The following SIPA1L1 variants were observed in gnomAD, a reference collection of about 807,000 sequenced individuals.
SIPA1L1 encodes signal-induced proliferation-associated 1-like protein 1.
SIPA1L1 carries 26 observed loss-of-function variants against 162.7 expected under a neutral mutation model. The ratio of observed to expected loss-of-function variants is 0.16; its 90% CI spans 0.12 to 0.22. SIPA1L1 has a LOEUF of 0.22. SIPA1L1 is among the 10% of genes least tolerant of loss of function. The probability of loss-of-function intolerance (pLI) is 1.00; values close to 1 mark genes in which losing one functional copy is unlikely to be tolerated. For synonymous variants in SIPA1L1, 829 were observed against 837.4 expected, an observed-to-expected ratio of 0.99 and a Z score of 0.17; for missense variants, 1,874 against 2,241.0, an observed-to-expected ratio of 0.84 and a Z score of 3.31.
intron 4 of SIPA1L1, among the ~76,000 whole-genome samples, chr14:71,548,692 T>C (rs2146145775): frequency 6.6e-6 from 1 of 151,720 alleles, no homozygotes. Flanking sequence ...AGGCCAGGAG[T>C]TCCAGACCAG....
chr14:71,669,982 A>G (rs1422640753), intron 10 of SIPA1L1, among the ~76,000 whole-genome samples: 1 of 152,150 alleles, frequency 6.6e-6, no homozygotes, highest in Non-Finnish European at 1.5e-5. Flanking sequence ...GAGCTCTTCA[A>G]TTTTATTTGA....
intron 3 of SIPA1L1, among the ~76,000 whole-genome samples, chr14:71,517,718 CT>C (rs2051886942): frequency 6.6e-6 from 1 of 152,074 alleles, no homozygotes; most frequent in Non-Finnish European, 1.5e-5. Flanking sequence ...TTTAGTCAAG[CT>C]AGTAGTGTGA....
chr14:71,343,875 A>C (rs2035898561), intron 2 of SIPA1L1, among the ~76,000 whole-genome samples: 1 of 152,182 alleles, frequency 6.6e-6, no homozygotes, highest in Admixed American at 6.5e-5. Flanking sequence ...TGTGTTCTAA[A>C]ACTTGATGAG....
At chr14:71,738,161 TA>T (rs34549978) in intron 22 of SIPA1L1, 79 bp from the exon 23 acceptor site, 72,501 of 367,968 alleles carry the variant, frequency 0.2, 6,469 homozygotes, top group African/African-American at 0.4. Context: ...CTCCTCAGAG[TA>T]AAAAAAAAAA....
chr14:71,529,415 G>A (rs944335491), intron 4 of SIPA1L1, 45 bp downstream of exon 4: 2 of 587,166 alleles, frequency 3.4e-6, no homozygotes, highest in Non-Finnish European at 6.2e-6. Flanking sequence ...GCTTTACAAA[G>A]TGTTGATTTT....
intron 2 of SIPA1L1, among the ~76,000 whole-genome samples, chr14:71,333,076 T>A (rs1351202766): frequency 6.6e-6 from 1 of 152,232 alleles, no homozygotes; most frequent in East Asian, 1.9e-4. Flanking sequence ...TCAGAGTTTT[T>A]CTTTTTAATT....
At chr14:71,616,400 A>T (rs2038839179) in intron 5 of SIPA1L1, among the ~76,000 whole-genome samples, 1 of 152,212 alleles carries the variant, frequency 6.6e-6, no homozygotes, top group Non-Finnish European at 1.5e-5. Context: ...AGAAGTTTCC[A>T]ATGGAAGAAA....
At chr14:71,351,655 GA>G (rs2036721625) in intron 2 of SIPA1L1, among the ~76,000 whole-genome samples, 1 of 152,176 alleles carries the variant, frequency 6.6e-6, no homozygotes, top group African/African-American at 2.4e-5. Context: ...CTGGAACTTG[GA>G]AGATGAGAAG....
intron 2 of SIPA1L1, among the ~76,000 whole-genome samples, chr14:71,512,175 G>A (rs2051209834): frequency 6.6e-6 from 1 of 152,050 alleles, no homozygotes; most frequent in African/African-American, 2.4e-5. Flanking sequence ...ACAGCCTTGT[G>A]GGATCTAAGC....
chr14:71,443,508 C>G (rs2141281020), intron 2 of SIPA1L1, among the ~76,000 whole-genome samples: 1 of 152,232 alleles, frequency 6.6e-6, no homozygotes, highest in Middle Eastern at 3.4e-3. Context: ...ATGGAAGCCA[C>G]TTATCAAGTT....
At chr14:71,530,685 TA>T (rs2053356578) in intron 4 of SIPA1L1, among the ~76,000 whole-genome samples, 2 of 152,210 alleles carry the variant, frequency 1.3e-5, no homozygotes, top group African/African-American at 4.8e-5. Context: ...CATTGAACAT[TA>T]AAAAACCCAG....
At chr14:71,378,205 C>T (rs1364095437) in intron 2 of SIPA1L1, among the ~76,000 whole-genome samples, 1 of 151,020 alleles carries the variant, frequency 6.6e-6, no homozygotes, top group Non-Finnish European at 1.5e-5. Flanking sequence ...TTTCTGTTGT[C>T]TTTTTTTCAT....
chr14:71,601,853 T>A (rs1388974076), intron 5 of SIPA1L1, among the ~76,000 whole-genome samples: 1 of 152,104 alleles, frequency 6.6e-6, no homozygotes, highest in Non-Finnish European at 1.5e-5. Flanking sequence ...TCCTGTACGT[T>A]TTTTAGTTTG....
intron 2 of SIPA1L1, among the ~76,000 whole-genome samples, chr14:71,420,538 A>G (rs1477648197): frequency 2.6e-5 from 4 of 152,172 alleles, no homozygotes; most frequent in African/African-American, 7.2e-5. Flanking sequence ...CCTAATTCCC[A>G]CCAGATCACT....
intron 4 of SIPA1L1, among the ~76,000 whole-genome samples, chr14:71,587,306 C>T (rs181832847): frequency 4.3e-4 from 66 of 151,884 alleles, no homozygotes; most frequent in Middle Eastern, 6.8e-3. Flanking sequence ...ATGTACCCCT[C>T]CCCCTGCCCC....
chr14:71,474,755 C>T (rs1403686381), intron 2 of SIPA1L1, among the ~76,000 whole-genome samples: 1 of 152,154 alleles, frequency 6.6e-6, no homozygotes, highest in African/African-American at 2.4e-5. Context: ...TAATAGCTTC[C>T]AGTTTTTCCT....
intron 7 of SIPA1L1, among the ~76,000 whole-genome samples, chr14:71,637,933 C>G (rs1341641984): frequency 6.6e-6 from 1 of 152,080 alleles, no homozygotes; most frequent in Non-Finnish European, 1.5e-5. Context: ...TAAAGAAATA[C>G]TGTATACAGC....
At chr14:71,654,292 G>GTT (rs1277212505) in intron 8 of SIPA1L1, among the ~76,000 whole-genome samples, 3 of 151,848 alleles carry the variant, frequency 2.0e-5, no homozygotes, top group Non-Finnish European at 1.5e-5. Flanking sequence ...CTTCTTTTTT[G>GTT]TTTTCTTATT....
intron 13 of SIPA1L1, among the ~76,000 whole-genome samples, chr14:71,689,539 G>A (rs1248045314): frequency 6.6e-6 from 1 of 152,164 alleles, no homozygotes; most frequent in Non-Finnish European, 1.5e-5. Context: ...ACATAATGCG[G>A]GATCAGCAAT....
Sources: allele counts gnomAD v4.1 joint callset (sites outside exome capture counted in the v4.1 genomes callset), GRCh38; gene constraint gnomAD v4.1.1; transcripts MANE v1.5; gene names NCBI Gene and HGNC (gene_info 2026-07-23, HGNC 2026-07-21).